The following GNPAT variants were observed in gnomAD, a reference collection of about 807,000 sequenced individuals.
The protein encoded by GNPAT is glyceronephosphate O-acyltransferase.
In GNPAT, 30 loss-of-function variants were observed where a neutral mutation model predicts 78.4. That is an observed-to-expected ratio of 0.38 (90% CI 0.29 to 0.52). The LOEUF (loss-of-function observed/expected upper bound fraction) is 0.52, where lower values mean the gene tolerates loss of function less well. Ranked by LOEUF, GNPAT falls within the 20% of genes least tolerant of loss-of-function variation. GNPAT has a pLI of 0.84. For synonymous variants in GNPAT, 271 were observed against 281.1 expected, an observed-to-expected ratio of 0.96 and a Z score of 0.36; for missense variants, 714 against 812.2, an observed-to-expected ratio of 0.88 and a Z score of 1.47.
At chr1:231,243,537 C>T (rs532068595) in intron 1 of GNPAT, among the ~76,000 whole-genome samples, 9 of 152,076 alleles carry the variant, frequency 5.9e-5, no homozygotes, top group African/African-American at 1.9e-4. Flanking sequence ...TTGGCCAGGC[C>T]GGTCTTGAAC....
intron 9 of GNPAT, among the ~76,000 whole-genome samples, chr1:231,269,115 G>C (rs1685478414): frequency 6.6e-6 from 1 of 151,918 alleles, no homozygotes; most frequent in East Asian, 1.9e-4. Context: ...AGGGTGGGTG[G>C]GTAATGTGTA....
Position 231,251,087 on chromosome 1 carries a change from A to T in GNPAT, c.205A>T (p.Ile69Phe). The T allele has an allele frequency of 1.3e-6, 2 of 1,598,290 alleles. No individual in the cohort carries two copies. Among genetic ancestry groups the T allele is most frequent in the South Asian group, 1.1e-5 (1 of 90,670 alleles). ...TAAGGGAATTACTCCATGTAAACCA[A>T]TTGATATTAAATGTAGTGTTCTCAA... ...VYKGITPCKP[I>F]DIKCSVLNSE... Residue 69 changes from isoleucine (I) to phenylalanine (F), a missense_variant, in exon 2 of 16, where the codon ATT becomes TTT. Transcript: ENST00000366647.
intron 14 of GNPAT, 73 bp from the exon 15 acceptor site, chr1:231,276,062 G>A (rs528702650): frequency 1.7e-5 from 13 of 755,854 alleles, no homozygotes; most frequent in South Asian, 9.0e-5. Flanking sequence ...CAATAGCTAC[G>A]TCAGGAACAA....
chr1:231,258,622 A>ATTTTTTTTTTTT lies in GNPAT; in HGVS notation c.262-1869_262-1858dup, dbSNP rs748666053. 4.1e-5 allele frequency among the ~76,000 whole-genome samples: 3 copies of ATTTTTTTTTTTT among 73,762 alleles called. 1 individual carries two copies. Among genetic ancestry groups the ATTTTTTTTTTTT allele is most frequent in the African/African-American group, 5.9e-5 (1 of 16,854 alleles). The allele number at this position is 73,762 out of a possible 152,430, so 48.4% of individuals were successfully genotyped here. On this transcript the variant is annotated intron_variant, in intron 2 of 15. Transcript: ENST00000366647. Reference sequence around the variant, plus strand: ...TTTATGTTATGTGTATTTTAATGCAATTTTTTTTTTTTTTTTTTTTTTTTT... The same window carrying ATTTTTTTTTTTT: ...TTTATGTTATGTGTATTTTAATGCAATTTTTTTTTTTTTTTTTTTTTTTTTTTTTTTTTTTTT...
chr1:231,257,949 ACCCTG>A (rs1332533313), intron 2 of GNPAT, among the ~76,000 whole-genome samples: 1 of 151,918 alleles, frequency 6.6e-6, no homozygotes, highest in African/African-American at 2.4e-5. Context: ...CTGAACCATC[ACCCTG>A]CCCTGCCCTT....
intron 2 of GNPAT, among the ~76,000 whole-genome samples, chr1:231,258,783 A>C (rs1327281986): frequency 9.4e-5 from 14 of 149,456 alleles, no homozygotes; most frequent in Non-Finnish European, 1.3e-4. Context: ...GTCACCCACC[A>C]CCACACCCAG....
At chr1:231,246,898 G>A (rs1053663190) in intron 1 of GNPAT, among the ~76,000 whole-genome samples, 26 of 152,220 alleles carry the variant, frequency 1.7e-4, no homozygotes, top group Middle Eastern at 3.4e-3. Context: ...GGCCGGGCGC[G>A]TTGGCTCACG....
At chr1:231,241,668 G>A (rs115771593) in intron 1 of GNPAT, among the ~76,000 whole-genome samples, 27 of 152,354 alleles carry the variant, frequency 1.8e-4, no homozygotes, top group African/African-American at 5.1e-4. Flanking sequence ...TACGGATTAT[G>A]GTTCCTTTGG....
intron 3 of GNPAT, 91 bp downstream of exon 3, chr1:231,260,774 A>G (rs886238103): frequency 1.7e-5 from 15 of 885,108 alleles, no homozygotes; most frequent in Non-Finnish European, 2.2e-5. Flanking sequence ...AACCCCTCAC[A>G]ATTTAATCAA....
chr1:231,244,785 C>T (rs913094446), intron 1 of GNPAT, among the ~76,000 whole-genome samples: 23 of 152,080 alleles, frequency 1.5e-4, no homozygotes, highest in African/African-American at 4.8e-4. Context: ...ATTCGGTGAG[C>T]CTGAAATCAT....
intron 8 of GNPAT, among the ~76,000 whole-genome samples, chr1:231,267,426 G>GT (rs1685420552): frequency 6.6e-6 from 1 of 152,152 alleles, no homozygotes; most frequent in South Asian, 2.1e-4. Flanking sequence ...AGCAACAAAA[G>GT]TTTTTTGCCT....
intron 10 of GNPAT, among the ~76,000 whole-genome samples, chr1:231,271,439 T>C (rs1558338080): frequency 6.6e-6 from 1 of 152,138 alleles, no homozygotes; most frequent in Non-Finnish European, 1.5e-5. Context: ...ATGAGTACAG[T>C]ACACGTCATG....
intron 2 of GNPAT, among the ~76,000 whole-genome samples, chr1:231,259,647 C>A (rs78931027): frequency 3.9e-3 from 459 of 117,206 alleles, no homozygotes; most frequent in Middle Eastern, 4.6e-3. Context: ...AACTCCGTCT[C>A]AAAAAAAAAA....
chr1:231,248,062 G>A (rs1684795400), intron 1 of GNPAT, among the ~76,000 whole-genome samples: 1 of 152,174 alleles, frequency 6.6e-6, no homozygotes, highest in Non-Finnish European at 1.5e-5. Context: ...GTTTATATAT[G>A]TACAGTTGAC....
At chr1:231,258,851 A>C (rs183262773) in intron 2 of GNPAT, among the ~76,000 whole-genome samples, 1 of 150,550 alleles carries the variant, frequency 6.6e-6, no homozygotes, top group East Asian at 2.0e-4. Context: ...GTTAGCCAGG[A>C]TGGTCTCAAT....
intron 8 of GNPAT, among the ~76,000 whole-genome samples, 189 bp from the exon 9 acceptor site, chr1:231,267,491 G>A (rs1211115627): frequency 1.3e-5 from 2 of 152,162 alleles, no homozygotes; most frequent in East Asian, 3.9e-4. Context: ...CATCTCTCAA[G>A]AGGATATTCC....
intron 2 of GNPAT, among the ~76,000 whole-genome samples, chr1:231,256,358 CCT>C (rs1175773780): frequency 2.0e-5 from 3 of 152,042 alleles, no homozygotes; most frequent in Non-Finnish European, 2.9e-5. Flanking sequence ...CCCAGTTTTC[CCT>C]GTCTCCAGGA....
At chr1:231,241,505 A>C (rs777238784) in intron 1 of GNPAT, 49 bp downstream of exon 1, 2 of 1,311,882 alleles carry the variant, frequency 1.5e-6, no homozygotes, top group Non-Finnish European at 2.2e-6. Context: ...GCGAAATAGT[A>C]CCCCTTTCTC....
chr1:231,255,842 G>A (rs1335671250), intron 2 of GNPAT, among the ~76,000 whole-genome samples: 1 of 152,138 alleles, frequency 6.6e-6, no homozygotes, highest in Admixed American at 6.5e-5. Flanking sequence ...CTCTTTCTGA[G>A]GTTGTAAATG....
Sources: allele counts gnomAD v4.1 joint callset (sites outside exome capture counted in the v4.1 genomes callset), GRCh38; gene constraint gnomAD v4.1.1; transcripts MANE v1.5; gene names NCBI Gene and HGNC (gene_info 2026-07-23, HGNC 2026-07-21).